Variants in FMNL3 observed in about 807,000 individuals in gnomAD.
FMNL3 encodes the protein formin-like protein 3.
Under a neutral mutation model 119.6 loss-of-function variants are expected in FMNL3, and 57 were observed. The observed-to-expected ratio is 0.48, with a 90% confidence interval of 0.39 to 0.59. The LOEUF (loss-of-function observed/expected upper bound fraction) is 0.59. Among genes scored for constraint, FMNL3 ranks in the 20% least tolerant of loss-of-function variants. The pLI, the probability that FMNL3 is intolerant of heterozygous loss-of-function variation, is 0.00. For synonymous variants in FMNL3, 491 were observed against 507.3 expected, an observed-to-expected ratio of 0.97 and a Z score of 0.43; for missense variants, 1,053 against 1,323.5, an observed-to-expected ratio of 0.80 and a Z score of 3.17.
At position 49,644,194 on chromosome 12, in the gene FMNL3, C is replaced by A. The variant is rs1288365830; in HGVS notation, c.*1621G>T. 1.2e-6 allele frequency: 2 copies of A among 1,613,890 alleles called. No individual in the cohort carries two copies. Among genetic ancestry groups the A allele is most frequent in the Non-Finnish European group, 1.7e-6 (2 of 1,180,006 alleles). On this transcript the variant is annotated 3_prime_UTR_variant, in exon 26 of 26. Transcript: ENST00000335154. ...CAGCAGCTGGATGATCACCAGTGAC[C>A]CAATGAGCTGTTCTCTGCCTCGGGT...
rs914197288 is a variant in FMNL3 at position 49,645,732 on chromosome 12, C to T, written c.*83G>A. The T allele has an allele frequency of 8.1e-7, 1 of 1,235,020 alleles. No homozygotes were observed. The highest frequency in any genetic ancestry group is 1.5e-5 in the African/African-American group (1 of 64,576). 76.5% of individuals were successfully genotyped at this position (1,235,020 alleles called of 1,614,324 possible). On this transcript the variant is annotated 3_prime_UTR_variant, in exon 26 of 26. Coordinates refer to ENST00000335154, the MANE Select transcript of FMNL3 (RefSeq NM_175736.5). The stretch of plus-strand genomic sequence containing the variant: ...GGTTGAGAGAGCAACACAGCCCTCT[C>T]CTGAGCCCTTGGCCAATTCCAGGTC...
intron 1 of FMNL3, 84 bp downstream of exon 1, chr12:49,706,971 A>C: frequency 7.0e-7 from 1 of 1,424,340 alleles, no homozygotes; most frequent in Middle Eastern, 2.1e-4. Flanking sequence ...GGTGGGCGGG[A>C]CGGGGGCCCA....
At chr12:49,706,999 G>T in intron 1 of FMNL3, 56 bp downstream of exon 1, 1 of 1,539,970 alleles carries the variant, frequency 6.5e-7, no homozygotes, top group South Asian at 1.2e-5. Flanking sequence ...GTCCCAGCCC[G>T]GGCGTCGGGA....
rs1294006307 is a variant in FMNL3 at position 49,642,031 on chromosome 12, G to T, written c.*3784C>A. On this transcript the variant is annotated 3_prime_UTR_variant, in exon 26 of 26. Coordinates refer to ENST00000335154, the MANE Select transcript of FMNL3 (RefSeq NM_175736.5). This position sits in a 1 kb window ranked among gnomAD's most constrained non-coding sequence, Gnocchi z 5.8. ...CAAGCTGACCTTCAATAGTGTGAGG[G>T]GCTGGGCGGGGCGTGGGAAGTTCTC... is the stretch of plus-strand genomic sequence containing the variant. 1.2e-6 allele frequency: 2 copies of T among 1,611,070 alleles called. No individual in the cohort carries two copies. The highest frequency in any genetic ancestry group is 3.3e-5 in the Admixed American group (2 of 60,026).
At position 49,656,851 on chromosome 12, in the gene FMNL3, CA is replaced by C. The variant is rs1943585448; in HGVS notation, c.762del (p.Ile254MetfsTer17). ...VMSHPHAVNE[I>X]ALSLNNKNPR... ...GGATTCTTGTTATTGAGGCTAAGTGCAATCTCATTGACAGCATGGGGGTGGG... is the reference window on the plus strand; with the variant it reads ...GGATTCTTGTTATTGAGGCTAAGTGCATCTCATTGACAGCATGGGGGTGGG... On this transcript the variant is annotated frameshift_variant, in exon 8 of 26. Coordinates refer to ENST00000335154, the MANE Select transcript of FMNL3 (RefSeq NM_175736.5). LOFTEE classifies it high-confidence loss of function. 6.2e-7 allele frequency: 1 copy of C among 1,613,954 alleles called. No homozygotes were observed.
chr12:49,645,800 G>A lies in FMNL3; in HGVS notation c.*15C>T. 1 of 1,592,464 alleles carries A rather than the reference G, an allele frequency of 6.3e-7. No homozygotes were observed. Among genetic ancestry groups the A allele is most frequent in the Non-Finnish European group, 8.5e-7 (1 of 1,171,734 alleles). On this transcript the variant is annotated 3_prime_UTR_variant, in exon 26 of 26. Transcript: ENST00000335154. ...GGACTCTGAGGGGTGAAGTGCTTCT[G>A]CCTCCGAGAGGGTCTCAGTGGGGGC...
intron 6 of FMNL3, among the ~76,000 whole-genome samples, chr12:49,658,222 G>T (rs1230952102): frequency 6.6e-6 from 1 of 152,096 alleles, no homozygotes; most frequent in Non-Finnish European, 1.5e-5. Context: ...CCCCACGTTG[G>T]GTAAGTGCAG....
chr12:49,643,915 G>A lies in FMNL3; in HGVS notation c.*1900C>T. 2 of 1,614,202 alleles carry A rather than the reference G, an allele frequency of 1.2e-6. No individual in the cohort carries two copies. The highest frequency in any genetic ancestry group is 1.1e-5 in the South Asian group (1 of 91,076). On this transcript the variant is annotated 3_prime_UTR_variant, in exon 26 of 26. Coordinates refer to ENST00000335154, the MANE Select transcript of FMNL3 (RefSeq NM_175736.5). ...GGAGAAAGCTGGCAAGGAGAGCGAT[G>A]AGAAAGAACAAGAACAGGACAAGGA...
chr12:49,707,230 A>C lies in FMNL3; in HGVS notation c.-50T>G. ...TCGGCCCCCCACCTCCACGCTCCGG[A>C]GCTTTCGGCTCCGCGGCTCCGACCA... is the stretch of plus-strand genomic sequence containing the variant. On this transcript the variant is annotated 5_prime_UTR_variant, in exon 1 of 26. Transcript: ENST00000335154. 1.4e-6 allele frequency: 2 copies of C among 1,430,982 alleles called. No homozygotes were observed. Among genetic ancestry groups the C allele is most frequent in the South Asian group, 2.9e-5 (2 of 68,136 alleles). The allele number at this position is 1,430,982 out of a possible 1,614,324, so 88.6% of individuals were successfully genotyped here.
intron 1 of FMNL3, among the ~76,000 whole-genome samples, chr12:49,687,990 A>C (rs942653082): frequency 6.6e-6 from 1 of 152,234 alleles, no homozygotes; most frequent in African/African-American, 2.4e-5. Context: ...TCCTCCAGTT[A>C]AGTACAGTCC....
At chr12:49,693,341 TAGAG>T (rs1377678525) in intron 1 of FMNL3, among the ~76,000 whole-genome samples, 7 of 151,978 alleles carry the variant, frequency 4.6e-5, no homozygotes, top group Non-Finnish European at 8.8e-5. Context: ...CATATACATA[TAGAG>T]AGAGACAGTT....
At chr12:49,656,350 C>T in intron 9 of FMNL3, 54 bp downstream of exon 9, 8 of 1,456,674 alleles carry the variant, frequency 5.5e-6, no homozygotes, top group South Asian at 1.2e-5. Context: ...AACCTAGCTC[C>T]CTGCCTTCTC....
At position 49,636,883 on chromosome 12, in the gene FMNL3, G is replaced by C; in HGVS notation, c.*8932C>G. On this transcript the variant is annotated 3_prime_UTR_variant, in exon 26 of 26. Transcript: ENST00000335154. The stretch of plus-strand genomic sequence containing the variant: ...GCTGTCCTTTCTAGATCAGAGCTCA[G>C]CTCTGCCCTAGAGCACAACCTCTTC... 1.2e-6 allele frequency: 2 copies of C among 1,612,342 alleles called. No individual in the cohort carries two copies. Among genetic ancestry groups the C allele is most frequent in the Non-Finnish European group, 1.7e-6 (2 of 1,179,876 alleles).
chr12:49,691,959 C>T (rs938406951), intron 1 of FMNL3, among the ~76,000 whole-genome samples: 2 of 142,436 alleles, frequency 1.4e-5, no homozygotes, highest in Admixed American at 7.6e-5. Context: ...TGTTTGAACC[C>T]GGGAGGTGGA....
intron 1 of FMNL3, among the ~76,000 whole-genome samples, chr12:49,692,320 T>C (rs1320697249): frequency 6.6e-6 from 1 of 151,646 alleles, no homozygotes; most frequent in African/African-American, 2.4e-5. Flanking sequence ...AAAGAGACCT[T>C]GTCTCCAAAA....
chr12:49,649,052 T>C lies in FMNL3; in HGVS notation c.2492A>G (p.His831Arg). The change falls in exon 21 of 26, where the codon CAC (histidine) becomes CGC (arginine). Residue 831 changes from histidine to arginine, a missense_variant. By Grantham distance (29) the His-to-Arg change is conservative. Coordinates refer to ENST00000335154, the MANE Select transcript of FMNL3 (RefSeq NM_175736.5). The surrounding 1 kb of genome is among the most constrained non-coding windows in gnomAD (Gnocchi z 5.6). The part of the protein sequence containing the change: ...PDLANFWHEL[H>R]FVEKAAAVSL... The stretch of plus-strand genomic sequence containing the variant: ...ACCTGCTGCAGCCTTCTCAACAAAG[T>C]GCAGCTCATGCCAGAAGTTAGCCAG... 6.2e-7 allele frequency: 1 copy of C among 1,606,202 alleles called. No individual in the cohort carries two copies. Among genetic ancestry groups the C allele is most frequent in the Non-Finnish European group, 8.5e-7 (1 of 1,175,986 alleles).
In FMNL3 at chr12:49,649,759, A is replaced by G; in HGVS notation, c.2167T>C (p.Leu723=). Residue 723 remains leucine (L), a synonymous_variant, in exon 18 of 26, where the codon TTG becomes CTG. Coordinates refer to ENST00000335154, the MANE Select transcript of FMNL3 (RefSeq NM_175736.5). The surrounding 1 kb of genome is among the most constrained non-coding windows in gnomAD (Gnocchi z 5.6). The part of the protein sequence containing the change: ...FMLLFSKVER[L]TQRMAGMAFL... Reference sequence around the variant, plus strand: ...GCCATGCCAGCCATTCGCTGGGTCAACCGTTCCACCTTGCTGAAGAGCAGC... The same window carrying G: ...GCCATGCCAGCCATTCGCTGGGTCAGCCGTTCCACCTTGCTGAAGAGCAGC... 1 of 1,614,138 alleles carries G rather than the reference A, an allele frequency of 6.2e-7. No individual in the cohort carries two copies. The highest frequency in any genetic ancestry group is 8.5e-7 in the Non-Finnish European group (1 of 1,180,008).
Position 49,668,473 on chromosome 12 carries a change from G to C in FMNL3, c.208C>G (p.Gln70Glu), listed in dbSNP as rs1943951329. The C allele has an allele frequency of 1.2e-6, 2 of 1,613,770 alleles. No individual in the cohort carries two copies. The highest frequency in any genetic ancestry group is 1.7e-6 in the Non-Finnish European group (2 of 1,179,966). ...NEKKWDLICDQERFQVKNPPH... is the reference protein window; with the variant it reads ...NEKKWDLICDEERFQVKNPPH... ...CTCCTCTTTCCCAAACCCCATACCT[G>C]GTCACAGATCAGATCCCATTTCTTC... The change falls in exon 2 of 26, where the codon CAG becomes GAG. Residue 70 changes from glutamine to glutamate, a missense_variant and splice_region_variant. Physicochemically the swap from Gln to Glu is conservative, Grantham distance 29 (BLOSUM62 2). Coordinates refer to ENST00000335154, the MANE Select transcript of FMNL3 (RefSeq NM_175736.5).
intron 22 of FMNL3, 86 bp downstream of exon 22, chr12:49,648,104 TAAA>T (rs763770317): frequency 2.4e-4 from 291 of 1,232,764 alleles, no homozygotes; most frequent in South Asian, 6.1e-4. Flanking sequence ...CTGCTTGATT[TAAA>T]AAAAAAAAAA....
Sources: allele counts gnomAD v4.1 joint callset (sites outside exome capture counted in the v4.1 genomes callset), GRCh38; gene constraint gnomAD v4.1.1; non-coding constraint Gnocchi (gnomAD v3.1); transcripts MANE v1.5; gene names NCBI Gene and HGNC (gene_info 2026-07-23, HGNC 2026-07-21).